The following IL37 variants were observed in gnomAD, a reference collection of about 807,000 sequenced individuals.
IL37 encodes interleukin 37, also known as interleukin-37.
A neutral mutation model predicts 15.4 loss-of-function variants in IL37; 15 were observed. The ratio of observed to expected loss-of-function variants is 0.98; its 90% CI spans 0.65 to 1.50. The LOEUF (loss-of-function observed/expected upper bound fraction) is 1.50, where lower values mean the gene tolerates loss of function less well. Ranked by LOEUF, IL37 falls within the 40% of genes most tolerant of loss-of-function variation. The pLI is 0.00. For synonymous variants in IL37, 98 were observed against 97.4 expected, an observed-to-expected ratio of 1.01 and a Z score of -0.03; for missense variants, 269 against 261.7, an observed-to-expected ratio of 1.03 and a Z score of -0.19.
At chr2:112,915,320 C>T in intron 3 of IL37, 3 of 1,356,710 alleles carry the variant, frequency 2.2e-6, no homozygotes, top group Admixed American at 3.5e-5. Flanking sequence ...TTTCCAGTCT[C>T]ACCCTGGACT....
Position 112,917,096 on chromosome 2 carries a change from G to A in IL37, c.146-33G>A, listed in dbSNP as rs371379452. 44 of 1,610,174 alleles carry A rather than the reference G, an allele frequency of 2.7e-5. 1 individual carries two copies. The Middle Eastern group carries it at 6.6e-4, about 24-fold the overall frequency. ...AAGGGCTGAGTCTTCCATTTTCAAT[G>A]TGAAGTGTTGATATCTGGTGATATT... On this transcript the variant is annotated intron_variant, in intron 3 of 5. Coordinates refer to ENST00000263326, the MANE Select transcript of IL37 (RefSeq NM_014439.4).
At chr2:112,915,112 A>G in intron 3 of IL37, 2 of 1,353,454 alleles carry the variant, frequency 1.5e-6, no homozygotes, top group South Asian at 2.5e-5. Flanking sequence ...GCCTTGAGAA[A>G]GATTTGGGGT....
At chr2:112,914,212 A>G (rs1373308297) in intron 3 of IL37, among the ~76,000 whole-genome samples, 1 of 152,036 alleles carries the variant, frequency 6.6e-6, no homozygotes. Flanking sequence ...GTGCAGGGAC[A>G]CCCACACCAC....
intron 3 of IL37, among the ~76,000 whole-genome samples, chr2:112,916,636 C>A (rs1299385198): frequency 2.0e-5 from 3 of 152,168 alleles, no homozygotes; most frequent in Non-Finnish European, 4.4e-5. Context: ...GGGATCTGTT[C>A]CACTCTAGGC....
intron 4 of IL37, 52 bp from the exon 5 acceptor site, chr2:112,917,583 A>G: frequency 6.6e-7 from 1 of 1,516,370 alleles, no homozygotes; most frequent in Non-Finnish European, 8.8e-7. Context: ...CAGACAGGAG[A>G]GACCTTTCCC....
chr2:112,911,620 T>G (rs903120333), intron 1 of IL37, among the ~76,000 whole-genome samples: 2 of 152,224 alleles, frequency 1.3e-5, no homozygotes, highest in African/African-American at 4.8e-5. Flanking sequence ...GATGGCCAGA[T>G]GCACTGCTTC....
intron 3 of IL37, among the ~76,000 whole-genome samples, chr2:112,916,738 C>A (rs113217507): frequency 9.8e-5 from 15 of 152,326 alleles, no homozygotes; most frequent in Non-Finnish European, 2.1e-4. Context: ...ATACGCCAGA[C>A]ATTTTCTTTG....
chr2:112,913,736 C>G, intron 2 of IL37, 56 bp from the exon 3 acceptor site: 11 of 1,461,566 alleles, frequency 7.5e-6, no homozygotes, highest in Non-Finnish European at 8.6e-6. Context: ...TTTGATACCC[C>G]TAAATCCTTG....
At chr2:112,913,120 C>CA (rs1291428945) in intron 2 of IL37, 26 bp downstream of exon 2, 1 of 1,471,796 alleles carries the variant, frequency 6.8e-7, no homozygotes, top group African/African-American at 1.5e-5. Context: ...AAATCTACCT[C>CA]AGGGCCAAAG....
chr2:112,917,060 C>T (rs936337420), intron 3 of IL37, 69 bp from the exon 4 acceptor site: 106 of 1,573,624 alleles, frequency 6.7e-5, no homozygotes, highest in Non-Finnish European at 8.2e-5. Context: ...GGCCCTTGGA[C>T]GTGGGGAAGA....
At chr2:112,911,918 G>A (rs1683186965) in intron 1 of IL37, among the ~76,000 whole-genome samples, 1 of 152,158 alleles carries the variant, frequency 6.6e-6, no homozygotes, top group African/African-American at 2.4e-5. Flanking sequence ...CAGGGATACT[G>A]CCAAACCACA....
Position 112,918,836 on chromosome 2 carries a change from C to A in IL37, c.*27C>A. On this transcript the variant is annotated 3_prime_UTR_variant, in exon 6 of 6. Transcript: ENST00000263326. ...AAACTGCCCCATTGAACGCCTTCCTCGCTAATTTGAACTAATTGTATAAAA... is the reference window on the plus strand; with the variant it reads ...AAACTGCCCCATTGAACGCCTTCCTAGCTAATTTGAACTAATTGTATAAAA... 6.3e-7 allele frequency: 1 copy of A among 1,594,590 alleles called. No individual in the cohort carries two copies. The highest frequency in any genetic ancestry group is 8.6e-7 in the Non-Finnish European group (1 of 1,167,304).
Position 112,913,811 on chromosome 2 carries a change from G to T in IL37, c.102G>T (p.Leu34=). The T allele has an allele frequency of 6.2e-7, 1 of 1,613,742 alleles. No individual in the cohort carries two copies. The highest frequency in any genetic ancestry group is 1.7e-5 in the Admixed American group (1 of 60,014). The change falls in exon 3 of 6, where the codon CTG becomes CTT. Residue 34 remains leucine, a synonymous_variant. Transcript: ENST00000263326. ...CTGCAGACCCGGCTGGAAGCCCCCT[G>T]GAACCAGGCCCAAGCCTCCCCACCA... The part of the protein sequence containing the change: ...CCLEDPAGSP[L]EPGPSLPTMN...
In IL37 at chr2:112,918,762, C is replaced by A; in HGVS notation, c.610C>A (p.Gln204Lys). Residue 204 changes from glutamine (Q) to lysine (K), a missense_variant, in exon 6 of 6, where the codon CAA (glutamine) becomes AAA (lysine). Gln to Lys is a moderately conservative substitution (Grantham distance 53, BLOSUM62 1). Transcript: ENST00000263326. ...CAGGAAACACATTGAATTTTCATTT[C>A]AACCAGTTTGCAAAGCTGAAATGAG... ...ENRKHIEFSFQPVCKAEMSPS... is the reference protein window; with the variant it reads ...ENRKHIEFSFKPVCKAEMSPS... The A allele has an allele frequency of 1.9e-6, 3 of 1,614,134 alleles. No homozygotes were observed. The highest frequency in any genetic ancestry group is 2.5e-6 in the Non-Finnish European group (3 of 1,180,024).
At chr2:112,913,928 C>CA in intron 3 of IL37, 74 bp downstream of exon 3, 1 of 1,222,974 alleles carries the variant, frequency 8.2e-7, no homozygotes, top group Non-Finnish European at 1.2e-6. Flanking sequence ...CCATTGGGTC[C>CA]TCTTACAGGG....
chr2:112,918,880 A>T lies in IL37; in HGVS notation c.*71A>T. 6.7e-7 allele frequency: 1 copy of T among 1,484,896 alleles called. No individual in the cohort carries two copies. The highest frequency in any genetic ancestry group is 9.2e-7 in the Non-Finnish European group (1 of 1,092,330). 92.0% of individuals were successfully genotyped at this position (1,484,896 alleles called of 1,614,324 possible). A position where few individuals can be genotyped will look rare whatever the true frequency, so the allele number is the denominator to read the frequency against. ...TATAAAAACACCAAACCTGCTCACT[A>T]AACTTTCTGTCATTGGGTTTCATTT... On this transcript the variant is annotated 3_prime_UTR_variant, in exon 6 of 6. Transcript: ENST00000263326.
intron 1 of IL37, among the ~76,000 whole-genome samples, chr2:112,912,661 T>A (rs1465735399): frequency 6.6e-6 from 1 of 152,266 alleles, no homozygotes; most frequent in Admixed American, 6.5e-5. Context: ...GGCCATAGTG[T>A]GCCAGCCCCA....
In IL37 at chr2:112,914,526, C is replaced by G. The variant is rs6726111; in HGVS notation, c.145+672C>G. Among the ~76,000 whole-genome samples the G allele has an allele frequency of 6.9e-3, 1,057 of 152,340 alleles. 20 individuals carry two copies. The highest frequency in any genetic ancestry group is 0.024 in the African/African-American group (1,008 of 41,568). On this transcript the variant is annotated intron_variant, in intron 3 of 5. Coordinates refer to ENST00000263326, the MANE Select transcript of IL37 (RefSeq NM_014439.4). ...TCTAGTGCAGGTTCATGTGGGAATA[C>G]TGAGCCTCACTAGTACAATGGCAGA...
At chr2:112,911,713 G>T (rs1222287686) in intron 1 of IL37, among the ~76,000 whole-genome samples, 2 of 152,164 alleles carry the variant, frequency 1.3e-5, no homozygotes, top group African/African-American at 2.4e-5. Flanking sequence ...GATGGCCCCA[G>T]GTCCTCCAGC....
Sources: gnomAD v4.1 joint callset for allele counts (sites outside exome capture counted in the v4.1 genomes callset) on GRCh38, gnomAD v4.1.1 for gene constraint, MANE v1.5 for transcripts, NCBI Gene and HGNC (gene_info 2026-07-23, HGNC 2026-07-21) for gene names.